OIP5: variants seen among roughly 807,000 people sequenced by gnomAD.
OIP5 encodes the protein protein Mis18-beta.
Under a neutral mutation model 20.3 loss-of-function variants are expected in OIP5, and 24 were observed. The ratio of observed to expected loss-of-function variants is 1.18; its 90% confidence interval spans 0.86 to 1.66. The LOEUF (loss-of-function observed/expected upper bound fraction) is 1.66. Ranked by LOEUF, OIP5 falls within the 40% of genes most tolerant of loss-of-function variation. The pLI is 0.00. For synonymous variants in OIP5, 143 were observed against 121.3 expected (o/e 1.18, Z -1.17); for missense variants, 339 against 289.5 (o/e 1.17, Z -1.24).
chr15:41,331,894 A>G (rs770526555), intron 2 of OIP5, 21 bp downstream of exon 2: 19 of 1,604,066 alleles, frequency 1.2e-5, no homozygotes, highest in Non-Finnish European at 1.6e-5. Context: ...ACTAGAGACC[A>G]ATGTAATTAT....
intron 3 of OIP5, among the ~76,000 whole-genome samples, chr15:41,314,604 C>A (rs1477301011): frequency 6.6e-6 from 1 of 151,386 alleles, no homozygotes; most frequent in African/African-American, 2.4e-5. Context: ...AAATTTGAGA[C>A]CAGCCTGGGC....
chr15:41,321,494 G>A (rs1326608712), intron 2 of OIP5, among the ~76,000 whole-genome samples: 2 of 152,206 alleles, frequency 1.3e-5, no homozygotes, highest in Non-Finnish European at 2.9e-5. Flanking sequence ...GGGGAAAGGT[G>A]GGGAAAAGAT....
intron 2 of OIP5, among the ~76,000 whole-genome samples, chr15:41,330,127 G>A (rs1396386780): frequency 1.3e-5 from 2 of 151,300 alleles, no homozygotes; most frequent in African/African-American, 4.9e-5. Context: ...TTTCGCTCTC[G>A]TTGCCCAGGC....
Position 41,313,307 on chromosome 15 carries a change from A to G in OIP5, c.560T>C (p.Ile187Thr), listed in dbSNP as rs749638142. Residue 187 changes from isoleucine to threonine, a missense_variant, in exon 4 of 5, where the codon ATT becomes ACT. Ile to Thr is a moderately conservative substitution (Grantham distance 89, BLOSUM62 -1). Coordinates refer to ENST00000220514, the MANE Select transcript of OIP5 (RefSeq NM_007280.2). ...CTTTTCTGATAGAGGAACATTTTGA[A>G]TATCCATCTCTGATGCATTTACTAT... The part of the protein sequence containing the change: ...KAIVNASEMD[I>T]QNVPLSEKIA... 4 of 1,605,798 alleles carry G rather than the reference A, an allele frequency of 2.5e-6. No homozygotes were observed. In the South Asian group the frequency reaches 3.3e-5, roughly 13 times the overall value.
chr15:41,310,458 C>T (rs2047747104), intron 4 of OIP5, among the ~76,000 whole-genome samples: 1 of 152,046 alleles, frequency 6.6e-6, no homozygotes, highest in South Asian at 2.1e-4. Context: ...AACCCCATCT[C>T]TACTAAAAAT....
intron 3 of OIP5, among the ~76,000 whole-genome samples, chr15:41,317,381 CTT>C (rs1171613409): frequency 1.5e-4 from 20 of 132,646 alleles, no homozygotes; most frequent in Admixed American, 1.5e-4. Context: ...ATCCATTTTT[CTT>C]TTTTTTTTTT....
intron 2 of OIP5, among the ~76,000 whole-genome samples, chr15:41,320,358 G>A (rs2047815426): frequency 2.6e-5 from 4 of 152,120 alleles, no homozygotes; most frequent in African/African-American, 4.8e-5. Flanking sequence ...CTGCCATCTC[G>A]GCTCACTGCA....
intron 2 of OIP5, among the ~76,000 whole-genome samples, chr15:41,330,028 G>C (rs1297797693): frequency 6.6e-6 from 1 of 151,906 alleles, no homozygotes; most frequent in Non-Finnish European, 1.5e-5. Flanking sequence ...AATAAAAACA[G>C]GTGAAATTAG....
At chr15:41,327,878 T>A (rs1225191488) in intron 2 of OIP5, among the ~76,000 whole-genome samples, 3 of 151,974 alleles carry the variant, frequency 2.0e-5, no homozygotes, top group Non-Finnish European at 4.4e-5. Context: ...GAAGCAAAGG[T>A]GGGCAGATCA....
rs112545523 is a variant in OIP5 at position 41,322,237 on chromosome 15, G to A, written c.390-2457C>T. On this transcript the variant is annotated intron_variant, in intron 2 of 4. Transcript: ENST00000220514. ...GCAGATAGCTTGAGCCCAGGAATTC[G>A]AGAGCAGCCTAGGCAACATGGTAAT... is the stretch of plus-strand genomic sequence containing the variant. Among the ~76,000 whole-genome samples the A allele has an allele frequency of 5.8e-3, 882 of 152,218 alleles. 13 individuals carry two copies. The highest frequency in any genetic ancestry group is 0.02 in the African/African-American group (813 of 41,530).
rs193206191 is a variant in OIP5, at chr15:41,320,856, G to A, written c.390-1076C>T. ...AAGTGAGGAGCGCCTCTTCCCGGCC[G>A]CCATCCCATCTAGGAAGTGAGGAGC... is the stretch of plus-strand genomic sequence containing the variant. On this transcript the variant is annotated intron_variant, in intron 2 of 4. Transcript: ENST00000220514. Among the ~76,000 whole-genome samples, 938 of 151,484 alleles carry A rather than the reference G, an allele frequency of 6.2e-3. 14 individuals carry two copies. The highest frequency in any genetic ancestry group is 0.021 in the African/African-American group (878 of 41,264).
Position 41,311,848 on chromosome 15 carries a change from G to A in OIP5, c.594+1425C>T, listed in dbSNP as rs1272696779. Among the ~76,000 whole-genome samples the A allele has an allele frequency of 2.9e-5, 3 of 102,712 alleles. 1 individual carries two copies. Among genetic ancestry groups the A allele is most frequent in the African/African-American group, 8.1e-5 (3 of 36,950 alleles). The allele number at this position is 102,712 out of a possible 152,430, so 67.4% of individuals were successfully genotyped here. A position where few individuals can be genotyped will look rare whatever the true frequency, so the allele number is the denominator to read the frequency against. On this transcript the variant is annotated intron_variant, in intron 4 of 4. Coordinates refer to ENST00000220514, the MANE Select transcript of OIP5 (RefSeq NM_007280.2). ...CTCAAAGTGCTGGGATTACAGGTGT[G>A]AGCCACCGCACCCAGCCAATAAGAA...
chr15:41,326,654 G>C lies in OIP5; in HGVS notation c.389+5261C>G, dbSNP rs146407970. ...TTGGCCAGGCTGGTCTCGAACTCCTGACCTCAGGTGATCTGCACACCTAGG... is the reference window on the plus strand; with the variant it reads ...TTGGCCAGGCTGGTCTCGAACTCCTCACCTCAGGTGATCTGCACACCTAGG... On this transcript the variant is annotated intron_variant, in intron 2 of 4. Transcript: ENST00000220514. 1.9e-4 allele frequency among the ~76,000 whole-genome samples: 29 copies of C among 152,320 alleles called. No homozygotes were observed. The East Asian group carries it at 5.6e-3, about 29-fold the overall frequency.
intron 2 of OIP5, among the ~76,000 whole-genome samples, chr15:41,325,593 G>A (rs1420986274): frequency 5.9e-5 from 9 of 151,330 alleles, no homozygotes; most frequent in African/African-American, 1.2e-4. Context: ...GCTCACACCC[G>A]TAATCCCAGC....
intron 3 of OIP5, among the ~76,000 whole-genome samples, chr15:41,318,247 C>G (rs1363068806): frequency 6.6e-6 from 1 of 152,204 alleles, no homozygotes; most frequent in Non-Finnish European, 1.5e-5. Flanking sequence ...ACTGCAACCT[C>G]CGCCTCCTGG....
chr15:41,323,132 C>T (rs1405072933), intron 2 of OIP5, among the ~76,000 whole-genome samples: 2 of 152,020 alleles, frequency 1.3e-5, no homozygotes, highest in East Asian at 3.8e-4. Flanking sequence ...ATTTGAAATT[C>T]CACGTAGGAA....
chr15:41,326,211 A>T (rs2047860956), intron 2 of OIP5, among the ~76,000 whole-genome samples: 1 of 152,230 alleles, frequency 6.6e-6, no homozygotes, highest in South Asian at 2.1e-4. Context: ...AGTAAAACAC[A>T]GTATATTTTA....
chr15:41,317,991 T>G (rs1310595395), intron 3 of OIP5, among the ~76,000 whole-genome samples: 1 of 152,076 alleles, frequency 6.6e-6, no homozygotes, highest in Non-Finnish European at 1.5e-5. Flanking sequence ...GTATTCATTC[T>G]TGATCCAGTA....
chr15:41,327,802 T>G (rs953589131), intron 2 of OIP5, among the ~76,000 whole-genome samples: 1 of 134,468 alleles, frequency 7.4e-6, no homozygotes, highest in African/African-American at 3.2e-5. Flanking sequence ...AAATAAAAAA[T>G]AAAATAAAAT....
Sources: allele counts gnomAD v4.1 joint callset (sites outside exome capture counted in the v4.1 genomes callset), GRCh38; gene constraint gnomAD v4.1.1; transcripts MANE v1.5; gene names NCBI Gene and HGNC (gene_info 2026-07-23, HGNC 2026-07-21).